Variants in LRRK1 observed in about 807,000 individuals in gnomAD.
LRRK1 encodes the protein leucine rich repeat kinase 1, also known as leucine-rich repeat serine/threonine-protein kinase 1.
A neutral mutation model predicts 209.1 loss-of-function variants in LRRK1; 113 were observed. The observed-to-expected ratio is 0.54, with a 90% CI of 0.46 to 0.63. The LOEUF (loss-of-function observed/expected upper bound fraction) is 0.63. Ranked by LOEUF, LRRK1 falls within the 30% of genes least tolerant of loss-of-function variation. The pLI is 0.00. For synonymous variants in LRRK1, 1,144 were observed against 1,099.7 expected (o/e 1.04, Z -0.80); for missense variants, 2,284 against 2,632.2 (o/e 0.87, Z 2.89).
intron 6 of LRRK1, among the ~76,000 whole-genome samples, chr15:100,990,509 G>A (rs1280241054): frequency 1.3e-5 from 2 of 152,102 alleles, no homozygotes; most frequent in Admixed American, 1.3e-4. Flanking sequence ...CAGCCAGCAA[G>A]CAGTAGGCAT....
chr15:100,990,011 C>A (rs12916234), intron 6 of LRRK1, among the ~76,000 whole-genome samples: 60,256 of 151,916 alleles, frequency 0.4, 12,011 homozygotes, highest in East Asian at 0.52. Flanking sequence ...GAGTGGTAAT[C>A]AAAATTATGA....
At chr15:100,949,228 T>C (rs369502533) in intron 2 of LRRK1, among the ~76,000 whole-genome samples, 16 of 152,092 alleles carry the variant, frequency 1.1e-4, no homozygotes, top group Admixed American at 5.2e-4. Context: ...TAAAAAAAGA[T>C]TATAGGAAAA....
chr15:101,021,165 A>G lies in LRRK1; in HGVS notation c.1722A>G (p.Ser574=), dbSNP rs377627843. ...CGGTTTGCCTACTGAAGAGCTTATC[A>G]GAGCTCTACTTGGGAAAGTAAGTAC... ...PPSVCLLKSL[S]ELYLGNNPGL... The change falls in exon 13 of 34, where the codon TCA becomes TCG. Residue 574 remains serine, a synonymous_variant. Transcript: ENST00000388948. 55 of 1,614,048 alleles carry G rather than the reference A, an allele frequency of 3.4e-5. No individual in the cohort carries two copies. The African/African-American group carries it at 5.3e-4, about 16-fold the overall frequency.
chr15:100,926,683 T>TC lies in LRRK1; in HGVS notation c.97+1954_97+1955insC, dbSNP rs1355901403. Among the ~76,000 whole-genome samples, 238 of 63,532 alleles carry TC rather than the reference T, an allele frequency of 3.7e-3. 3 individuals carry two copies. Among genetic ancestry groups the TC allele is most frequent in the Middle Eastern group, 0.022 (3 of 138 alleles). The allele number at this position is 63,532 out of a possible 152,430, so 41.7% of individuals were successfully genotyped here. On this transcript the variant is annotated intron_variant, in intron 2 of 33. Coordinates refer to ENST00000388948, the MANE Select transcript of LRRK1 (RefSeq NM_024652.6). ...TTTCTTTTTCTTTTCTTTTTTTCTTTTTTTTTTTTTTTTTTTTTTGAGACA... is the reference window on the plus strand; with the variant it reads ...TTTCTTTTTCTTTTCTTTTTTTCTTTCTTTTTTTTTTTTTTTTTTTGAGACA...
At chr15:101,037,906 A>G (rs2034561547) in intron 20 of LRRK1, among the ~76,000 whole-genome samples, 1 of 152,258 alleles carries the variant, frequency 6.6e-6, no homozygotes, top group Non-Finnish European at 1.5e-5. Flanking sequence ...TATACAAAAA[A>G]GATACTTGCA....
intron 3 of LRRK1, among the ~76,000 whole-genome samples, chr15:100,975,687 T>C (rs2031252674): frequency 6.6e-6 from 1 of 152,180 alleles, no homozygotes; most frequent in Non-Finnish European, 1.5e-5. Context: ...CAACGGTTGA[T>C]GCAAAAGGAG....
rs930941488 is a variant in LRRK1 at position 100,988,767 on chromosome 15, G to C, written c.567G>C (p.Glu189Asp). The C allele has an allele frequency of 1.3e-5, 21 of 1,612,322 alleles. No individual in the cohort carries two copies. In the Middle Eastern group the frequency reaches 4.9e-4, roughly 38 times the overall value. ...AGAGCTACGCTGTCAGGAAGAATGAGTTCCCTGTCATCGTGCGCTTGCCCC... is the reference window on the plus strand; with the variant it reads ...AGAGCTACGCTGTCAGGAAGAATGACTTCCCTGTCATCGTGCGCTTGCCCC... ...DPESYAVRKN[E>D]FPVIVRLPLY... Residue 189 changes from glutamate to aspartate, a missense_variant, in exon 5 of 34, where the codon GAG (glutamate) becomes GAC (aspartate). Physicochemically the swap from Glu to Asp is conservative, Grantham distance 45 (BLOSUM62 2). This residue lies in a region of LRRK1 where 134 missense variants were observed against 191.7 expected (regional missense o/e 0.70). Coordinates refer to ENST00000388948, the MANE Select transcript of LRRK1 (RefSeq NM_024652.6).
At chr15:101,013,242 C>T (rs2033364126) in intron 10 of LRRK1, among the ~76,000 whole-genome samples, 1 of 152,226 alleles carries the variant, frequency 6.6e-6, no homozygotes, top group Admixed American at 6.5e-5. Context: ...CTGGCTGCAG[C>T]GGTTCTGATG....
intron 26 of LRRK1, among the ~76,000 whole-genome samples, chr15:101,053,763 C>T (rs2035624930): frequency 6.6e-6 from 1 of 151,178 alleles, no homozygotes; most frequent in Non-Finnish European, 1.5e-5. Context: ...AATCACTTTC[C>T]CAACTGCACA....
chr15:100,931,457 G>A (rs1278032997), intron 2 of LRRK1, among the ~76,000 whole-genome samples: 8 of 152,200 alleles, frequency 5.3e-5, no homozygotes, highest in South Asian at 2.1e-4. Flanking sequence ...GCCATGTTAC[G>A]ATGCAAATTT....
rs372760472 is a variant in LRRK1 at position 101,053,245 on chromosome 15, G to A, written c.3879G>A (p.Arg1293=). 9.3e-6 allele frequency: 15 copies of A among 1,606,260 alleles called. No individual in the cohort carries two copies. The highest frequency in any genetic ancestry group is 3.3e-5 in the Admixed American group (2 of 60,010). The change falls in exon 26 of 34, where the codon CGG becomes CGA. Residue 1293 remains arginine (R), a synonymous_variant. Coordinates refer to ENST00000388948, the MANE Select transcript of LRRK1 (RefSeq NM_024652.6). Reference sequence around the variant, plus strand: ...CAGACACCATGCTGAGGCACCTGCGGGCCACCGATGCCATGAAGAACTTCT... The same window carrying A: ...CAGACACCATGCTGAGGCACCTGCGAGCCACCGATGCCATGAAGAACTTCT... ...VPADTMLRHL[R]ATDAMKNFSE...
In LRRK1 at chr15:101,051,842, G is replaced by A. The variant is rs773533129; in HGVS notation, c.3571G>A (p.Glu1191Lys). The A allele has an allele frequency of 1.2e-6, 2 of 1,614,162 alleles. No individual in the cohort carries two copies. Among genetic ancestry groups the A allele is most frequent in the Non-Finnish European group, 1.7e-6 (2 of 1,180,032 alleles). The change falls in exon 24 of 34, where the codon GAA becomes AAA. Residue 1191 changes from glutamate (E) to lysine (K), a missense_variant. This residue lies in a region of LRRK1 where 780 missense variants were observed against 985.2 expected (regional missense o/e 0.79). Transcript: ENST00000388948. ...AGAGGATGTGCAGTACTTCGACATG[G>A]AAGACTGTGTCCTGACGGCCATCGA... ...KSEDVQYFDM[E>K]DCVLTAIERD...
intron 2 of LRRK1, among the ~76,000 whole-genome samples, chr15:100,969,899 T>TC (rs1242915416): frequency 4.6e-5 from 7 of 151,708 alleles, no homozygotes; most frequent in Admixed American, 1.3e-4. Flanking sequence ...TTTCTTCTTT[T>TC]TTTTTTGAGA....
intron 20 of LRRK1, among the ~76,000 whole-genome samples, chr15:101,038,860 C>T (rs1315543777): frequency 6.6e-6 from 1 of 152,182 alleles, no homozygotes. Context: ...CTGTGCAAAT[C>T]TCTCTCTTCC....
At chr15:101,039,362 G>T (rs942307280) in intron 20 of LRRK1, among the ~76,000 whole-genome samples, 1 of 152,018 alleles carries the variant, frequency 6.6e-6, no homozygotes, top group Non-Finnish European at 1.5e-5. Flanking sequence ...TATGTTCTCC[G>T]ATATGGGTAA....
At chr15:100,988,083 C>T (rs1218618106) in intron 4 of LRRK1, among the ~76,000 whole-genome samples, 1 of 152,180 alleles carries the variant, frequency 6.6e-6, no homozygotes, top group African/African-American at 2.4e-5. Context: ...TTCCAGAAAA[C>T]ACTATCAACT....
At chr15:100,998,427 T>C (rs66793839) in intron 6 of LRRK1, among the ~76,000 whole-genome samples, 49,409 of 151,970 alleles carry the variant, frequency 0.33, 8,676 homozygotes, top group East Asian at 0.52. Context: ...ACCTTCTATG[T>C]CTCAGAGCTC....
rs775753659 is a variant in LRRK1 at position 100,983,576 on chromosome 15, C to T, written c.310C>T (p.Arg104Cys). Residue 104 changes from arginine (R) to cysteine (C), a missense_variant, in exon 4 of 34, where the codon CGC becomes TGC. By Grantham distance (180) the Arg-to-Cys change is radical (BLOSUM62 -3). This residue lies in a region of LRRK1 where 134 missense variants were observed against 191.7 expected (regional missense o/e 0.70). Coordinates refer to ENST00000388948, the MANE Select transcript of LRRK1 (RefSeq NM_024652.6). Reference protein sequence around the residue: ...PAAYGDLEMVRYLLSKRLVEL... With the variant: ...PAAYGDLEMVCYLLSKRLVEL... ...AGCCTATGGGGATCTGGAGATGGTC[C>T]GCTACCTACTCAGCAAGAGACTGGT... The T allele has an allele frequency of 1.4e-5, 23 of 1,611,336 alleles. No individual in the cohort carries two copies. The highest frequency in any genetic ancestry group is 4.5e-5 in the East Asian group (2 of 44,870).
At chr15:100,961,514 A>G (rs1325782601) in intron 2 of LRRK1, among the ~76,000 whole-genome samples, 2 of 152,024 alleles carry the variant, frequency 1.3e-5, no homozygotes, top group Non-Finnish European at 1.5e-5. Flanking sequence ...TTAGCCGGGC[A>G]TGGTGGTGCG....
Sources: allele counts gnomAD v4.1 joint callset (sites outside exome capture counted in the v4.1 genomes callset), GRCh38; gene constraint gnomAD v4.1.1; regional missense constraint gnomAD v4.1.1; transcripts MANE v1.5; gene names NCBI Gene and HGNC (gene_info 2026-07-23, HGNC 2026-07-21).